Variants in EPRS1 observed in about 807,000 individuals in gnomAD.
EPRS1 encodes bifunctional glutamate/proline--tRNA ligase.
In EPRS1, 107 loss-of-function variants were observed where a neutral mutation model predicts 188.3. The ratio of observed to expected loss-of-function variants is 0.57; its 90% CI spans 0.49 to 0.67. EPRS1 has a LOEUF of 0.67. EPRS1 is among the 30% of genes least tolerant of loss of function. The pLI is 0.00. For missense variants in EPRS1, 1,577 were observed against 1,802.2 expected, an observed-to-expected ratio of 0.88 and a Z score of 2.26; for synonymous variants, 596 against 593.1, an observed-to-expected ratio of 1.00 and a Z score of -0.07.
At chr1:219,974,076 TG>T (rs1046028783) in intron 28 of EPRS1, among the ~76,000 whole-genome samples, 2 of 152,136 alleles carry the variant, frequency 1.3e-5, no homozygotes, top group African/African-American at 4.8e-5. Flanking sequence ...CCCGAGTAGC[TG>T]GGATTACAGG....
chr1:220,037,315 G>A (rs1482776297), intron 2 of EPRS1, among the ~76,000 whole-genome samples: 3 of 151,976 alleles, frequency 2.0e-5, no homozygotes, highest in Admixed American at 1.3e-4. Flanking sequence ...GACCAGCCTG[G>A]ACAACATAGT....
At chr1:219,974,486 G>T (rs565061075) in intron 28 of EPRS1, among the ~76,000 whole-genome samples, 7 of 152,266 alleles carry the variant, frequency 4.6e-5, no homozygotes, top group African/African-American at 9.6e-5. Flanking sequence ...CTGATACATA[G>T]TAGATTTTAA....
intron 30 of EPRS1, among the ~76,000 whole-genome samples, chr1:219,970,652 C>G (rs1193966959): frequency 6.6e-6 from 1 of 151,996 alleles, no homozygotes; most frequent in Non-Finnish European, 1.5e-5. Flanking sequence ...ATGGCAGGCG[C>G]CTGTAATCCC....
chr1:220,027,795 C>T (rs1298394080), intron 6 of EPRS1, among the ~76,000 whole-genome samples: 1 of 151,632 alleles, frequency 6.6e-6, no homozygotes, highest in Admixed American at 6.6e-5. Context: ...CCAGGCTGAC[C>T]AACATGGCGG....
chr1:220,005,456 C>T, intron 15 of EPRS1, 96 bp from the exon 16 acceptor site: 2 of 593,790 alleles, frequency 3.4e-6, no homozygotes, highest in Non-Finnish European at 5.9e-6. Flanking sequence ...AAAATACTCC[C>T]ATTTTAAACA....
intron 13 of EPRS1, among the ~76,000 whole-genome samples, 160 bp downstream of exon 13, chr1:220,010,786 G>C (rs1156874478): frequency 6.8e-6 from 1 of 146,770 alleles, no homozygotes; most frequent in African/African-American, 2.6e-5. Flanking sequence ...CTCCAGCCTG[G>C]AGACATAGCA....
intron 9 of EPRS1, among the ~76,000 whole-genome samples, chr1:220,020,985 T>A (rs1015656298): frequency 6.6e-6 from 1 of 151,142 alleles, no homozygotes; most frequent in Non-Finnish European, 1.5e-5. Flanking sequence ...TGGGTTCAAG[T>A]GATTCTCAGC....
intron 18 of EPRS1, among the ~76,000 whole-genome samples, chr1:219,996,387 T>C (rs1571669755): frequency 6.6e-6 from 1 of 152,230 alleles, no homozygotes; most frequent in Non-Finnish European, 1.5e-5. Context: ...GCTGGTACTG[T>C]CCTCTACACC....
intron 2 of EPRS1, among the ~76,000 whole-genome samples, chr1:220,037,367 T>C (rs533741270): frequency 1.1e-4 from 16 of 152,036 alleles, no homozygotes; most frequent in African/African-American, 3.4e-4. Context: ...TAGCCAGGCA[T>C]GGTGGCACAT....
intron 6 of EPRS1, among the ~76,000 whole-genome samples, chr1:220,029,823 CCCAG>C (rs1359661029): frequency 1.3e-5 from 2 of 152,114 alleles, no homozygotes; most frequent in Non-Finnish European, 2.9e-5. Flanking sequence ...CTGAAGCAGC[CCCAG>C]CCTGGTGATC....
chr1:220,010,933 CTG>C lies in EPRS1; in HGVS notation c.1605+11_1605+12del, dbSNP rs767946592. 6 of 1,489,598 alleles carry C rather than the reference CTG, an allele frequency of 4.0e-6. No homozygotes were observed. The highest frequency in any genetic ancestry group is 5.6e-6 in the Non-Finnish European group (6 of 1,067,790). The allele number at this position is 1,489,598 out of a possible 1,614,324, so 92.3% of individuals were successfully genotyped here. ...AACAGAGAGAAACACATTGGTGAAA[CTG>C]TAAGAGTGACCTTTGGGTGTTTGGC... On this transcript the variant is annotated intron_variant, in intron 13 of 31. Coordinates refer to ENST00000366923, the MANE Select transcript of EPRS1 (RefSeq NM_004446.3).
chr1:219,979,692 A>G, intron 26 of EPRS1, 77 bp from the exon 27 acceptor site: 2 of 942,570 alleles, frequency 2.1e-6, no homozygotes, highest in Non-Finnish European at 3.2e-6. Context: ...ATAAGATCAC[A>G]TGCTTTAAAA....
rs1283953739 is a variant in EPRS1 at position 219,973,293 on chromosome 1, C to T, written c.4189G>A (p.Ala1397Thr). ...GEKLTVAENE[A>T]ETKLQAILED... ...AAAATAGCTTGAAGTTTAGTCTCTG[C>T]CTCATTTTCAGCAACTGTCAGCTTT... Residue 1397 changes from alanine (A) to threonine (T), a missense_variant, in exon 29 of 32, where the codon GCA becomes ACA. Coordinates refer to ENST00000366923, the MANE Select transcript of EPRS1 (RefSeq NM_004446.3). 5.0e-6 allele frequency: 8 copies of T among 1,612,124 alleles called. No individual in the cohort carries two copies. Among genetic ancestry groups the T allele is most frequent in the Non-Finnish European group, 6.8e-6 (8 of 1,179,556 alleles).
chr1:219,979,649 T>C, intron 26 of EPRS1, 34 bp from the exon 27 acceptor site: 1 of 1,450,290 alleles, frequency 6.9e-7, no homozygotes, highest in East Asian at 2.3e-5. Flanking sequence ...GCTTCATTTT[T>C]AATAACCTAT....
intron 18 of EPRS1, among the ~76,000 whole-genome samples, chr1:219,989,876 G>C (rs1452117075): frequency 6.6e-6 from 1 of 152,026 alleles, no homozygotes; most frequent in African/African-American, 2.4e-5. Flanking sequence ...CTGTTTTTAG[G>C]AAAGAGTTTT....
rs997338083 is a variant in EPRS1, at chr1:220,024,189, C to T, written c.943+75G>A. On this transcript the variant is annotated intron_variant, in intron 8 of 31. Coordinates refer to ENST00000366923, the MANE Select transcript of EPRS1 (RefSeq NM_004446.3). ...CAAACAAAAAAACTAGCAGCTTTCACAAAAAAGAAATCACGTTCTACTAAA... is the reference window on the plus strand; with the variant it reads ...CAAACAAAAAAACTAGCAGCTTTCATAAAAAAGAAATCACGTTCTACTAAA... 5.7e-6 allele frequency: 6 copies of T among 1,058,266 alleles called. No individual in the cohort carries two copies. In the African/African-American group the frequency reaches 8.2e-5, roughly 15 times the overall value. 65.6% of individuals were successfully genotyped at this position (1,058,266 alleles called of 1,614,324 possible).
rs1385934060 is a variant in EPRS1, at chr1:219,969,100, C to A, written c.4346G>T (p.Gly1449Val). The change falls in exon 31 of 32, where the codon GGG becomes GTG. Residue 1449 changes from glycine (G) to valine (V), a missense_variant. By Grantham distance (109) the Gly-to-Val change is moderately radical. Coordinates refer to ENST00000366923, the MANE Select transcript of EPRS1 (RefSeq NM_004446.3). ...GATCCAGTCCTCACAGTCAATTTCC[C>A]CACAGAATGGAATCTGAACAATCTA... is the stretch of plus-strand genomic sequence containing the variant. Reference protein sequence around the residue: ...SGKIVQIPFCGEIDCEDWIKK... With the variant: ...SGKIVQIPFCVEIDCEDWIKK... 1 of 1,611,436 alleles carries A rather than the reference C, an allele frequency of 6.2e-7. No individual in the cohort carries two copies. Among genetic ancestry groups the A allele is most frequent in the Admixed American group, 1.7e-5 (1 of 60,010 alleles).
At chr1:220,022,223 C>G in intron 9 of EPRS1, 124 bp downstream of exon 9, 1 of 780,192 alleles carries the variant, frequency 1.3e-6, no homozygotes, top group South Asian at 1.9e-5. Flanking sequence ...AGGCCACCAG[C>G]CAGTGAACCC....
chr1:220,009,822 A>C (rs1410046917), intron 13 of EPRS1, among the ~76,000 whole-genome samples: 1 of 152,202 alleles, frequency 6.6e-6, no homozygotes, highest in Non-Finnish European at 1.5e-5. Flanking sequence ...GGCTGGGCAC[A>C]GTGGCTCATG....
Sources: allele counts gnomAD v4.1 joint callset (sites outside exome capture counted in the v4.1 genomes callset), GRCh38; gene constraint gnomAD v4.1.1; transcripts MANE v1.5; gene names NCBI Gene and HGNC (gene_info 2026-07-23, HGNC 2026-07-21).